Variants in XKR4 observed in about 807,000 individuals in gnomAD.
The protein encoded by XKR4 is XK-related protein 4.
XKR4 carries 12 observed loss-of-function variants against 53.9 expected under a neutral mutation model. That is an observed-to-expected ratio of 0.22 (90% CI 0.14 to 0.36). The LOEUF (loss-of-function observed/expected upper bound fraction) is 0.36. Among genes scored for constraint, XKR4 ranks in the 10% least tolerant of loss-of-function variants. The pLI is 1.00. For missense variants in XKR4, 799 were observed against 859.5 expected (o/e 0.93, Z 0.88); for synonymous variants, 354 against 362.4 (o/e 0.98, Z 0.26).
chr8:55,166,744 G>T (rs1037250196), intron 1 of XKR4, among the ~76,000 whole-genome samples: 1 of 152,132 alleles, frequency 6.6e-6, no homozygotes, highest in African/African-American at 2.4e-5. Flanking sequence ...AGATAACATC[G>T]CATGTTCAAG....
At chr8:55,491,405 T>G (rs1241080213) in intron 2 of XKR4, among the ~76,000 whole-genome samples, 1 of 152,204 alleles carries the variant, frequency 6.6e-6, no homozygotes, top group Non-Finnish European at 1.5e-5. Context: ...GAATTTGAAT[T>G]TTGTTGTCTT....
chr8:55,284,134 C>T (rs1290593534), intron 1 of XKR4, among the ~76,000 whole-genome samples: 13 of 152,040 alleles, frequency 8.6e-5, no homozygotes, highest in South Asian at 4.2e-4. Flanking sequence ...TGATTTATGA[C>T]GAGATGATGG....
intron 2 of XKR4, among the ~76,000 whole-genome samples, chr8:55,404,186 G>A (rs1359467655): frequency 6.6e-6 from 1 of 152,140 alleles, no homozygotes; most frequent in Non-Finnish European, 1.5e-5. Context: ...CATTACGAGG[G>A]ATAAATGTGT....
chr8:55,479,336 G>T (rs1806060975), intron 2 of XKR4, among the ~76,000 whole-genome samples: 1 of 152,016 alleles, frequency 6.6e-6, no homozygotes, highest in African/African-American at 2.4e-5. Context: ...AAATAAAGAT[G>T]TTCTTTGAAA....
intron 2 of XKR4, among the ~76,000 whole-genome samples, chr8:55,436,646 G>C (rs1805180980): frequency 6.6e-6 from 1 of 152,160 alleles, no homozygotes. Flanking sequence ...AATTTATTGT[G>C]AAGTAAATGT....
chr8:55,453,596 A>AG, intron 2 of XKR4: 1 of 401,764 alleles, frequency 2.5e-6, no homozygotes, highest in Non-Finnish European at 4.8e-6. Context: ...CTTCATGGCT[A>AG]GGGGTGCACC....
In XKR4 at chr8:55,358,415, T is replaced by A. The variant is rs577317789; in HGVS notation, c.1006+538T>A. On this transcript the variant is annotated intron_variant, in intron 2 of 2. Transcript: ENST00000327381. ...AGAAGGTCATAAAGGAAAAAAAAAA[T>A]TTGTGAATGTTTATTAATATTTATA... 6.0e-4 allele frequency among the ~76,000 whole-genome samples: 91 copies of A among 151,912 alleles called. 2 individuals are homozygous for A. The South Asian group carries it at 0.016, about 27-fold the overall frequency.
At chr8:55,430,392 C>A (rs1805084564) in intron 2 of XKR4, among the ~76,000 whole-genome samples, 1 of 152,176 alleles carries the variant, frequency 6.6e-6, no homozygotes, top group Non-Finnish European at 1.5e-5. Flanking sequence ...AAACTGGAAA[C>A]AATCTACATT....
intron 1 of XKR4, among the ~76,000 whole-genome samples, chr8:55,207,636 GCA>G (rs1307744564): frequency 1.1e-3 from 4 of 3,548 alleles, no homozygotes; most frequent in East Asian, 0.011. Flanking sequence ...ACATGCGCGC[GCA>G]CACACACACA....
At chr8:55,250,650 G>A (rs1481311866) in intron 1 of XKR4, among the ~76,000 whole-genome samples, 1 of 152,148 alleles carries the variant, frequency 6.6e-6, no homozygotes, top group Non-Finnish European at 1.5e-5. Flanking sequence ...TTTAATAGAG[G>A]CAATTTTGCC....
chr8:55,336,030 C>T (rs1401864789), intron 1 of XKR4, among the ~76,000 whole-genome samples: 2 of 98,718 alleles, frequency 2.0e-5, no homozygotes, highest in Non-Finnish European at 4.0e-5. Context: ...AAATTTTATG[C>T]AACTCTATAC....
chr8:55,486,421 A>G (rs1163977510), intron 2 of XKR4, among the ~76,000 whole-genome samples: 2 of 152,256 alleles, frequency 1.3e-5, no homozygotes, highest in African/African-American at 2.4e-5. Flanking sequence ...TACAAAGTCA[A>G]CAATTGTGAT....
In XKR4 at chr8:55,128,501, G is replaced by A. The variant is rs114664829; in HGVS notation, c.806+25207G>A. 3.8e-3 allele frequency among the ~76,000 whole-genome samples: 586 copies of A among 152,298 alleles called. 6 individuals are homozygous for A. The highest frequency in any genetic ancestry group is 0.014 in the African/African-American group (564 of 41,554). ...ATGTGTCTCTGGATGAAGACACAGG[G>A]ATGCAGAGTGACTTAGTCAAGTCTG... On this transcript the variant is annotated intron_variant, in intron 1 of 2. Transcript: ENST00000327381.
intron 1 of XKR4, among the ~76,000 whole-genome samples, chr8:55,133,201 G>T (rs992771626): frequency 1.3e-5 from 2 of 152,224 alleles, no homozygotes; most frequent in African/African-American, 2.4e-5. Flanking sequence ...TGGAAAAGCA[G>T]ATAGTGGAAT....
At chr8:55,349,245 G>A (rs987624539) in intron 1 of XKR4, among the ~76,000 whole-genome samples, 1 of 152,180 alleles carries the variant, frequency 6.6e-6, no homozygotes, top group African/African-American at 2.4e-5. Context: ...TGATTGTTCA[G>A]AACTGAAGTC....
At chr8:55,244,225 C>G (rs192081497) in intron 1 of XKR4, among the ~76,000 whole-genome samples, 123 of 152,296 alleles carry the variant, frequency 8.1e-4, no homozygotes, top group African/African-American at 2.8e-3. Flanking sequence ...TCTCACCCTC[C>G]AGCCTCAAGT....
chr8:55,205,927 G>A (rs933464847), intron 1 of XKR4, among the ~76,000 whole-genome samples: 1 of 152,162 alleles, frequency 6.6e-6, no homozygotes, highest in Non-Finnish European at 1.5e-5. Context: ...TGTGTCCGGA[G>A]TTTCTTCCTT....
chr8:55,250,461 A>T (rs1325742723), intron 1 of XKR4, among the ~76,000 whole-genome samples: 2 of 151,986 alleles, frequency 1.3e-5, no homozygotes, highest in Non-Finnish European at 2.9e-5. Context: ...GGACCTTTGG[A>T]TGTCTAATTT....
At chr8:55,448,970 T>C (rs983754473) in intron 2 of XKR4, among the ~76,000 whole-genome samples, 2 of 152,202 alleles carry the variant, frequency 1.3e-5, no homozygotes, top group African/African-American at 2.4e-5. Context: ...AAGAGCATTT[T>C]GCATTGAACT....
Sources: allele counts gnomAD v4.1 joint callset (sites outside exome capture counted in the v4.1 genomes callset), GRCh38; gene constraint gnomAD v4.1.1; transcripts MANE v1.5; gene names NCBI Gene and HGNC (gene_info 2026-07-23, HGNC 2026-07-21).